Variants in ZNF556 observed in about 807,000 individuals in gnomAD.
ZNF556 encodes zinc finger protein 556.
ZNF556 carries 11 observed loss-of-function variants against 13.6 expected under a neutral mutation model. The ratio of observed to expected loss-of-function variants is 0.81; its 90% CI spans 0.51 to 1.33. The LOEUF (loss-of-function observed/expected upper bound fraction) is 1.33, where lower values mean the gene tolerates loss of function less well. Among genes scored for constraint, ZNF556 ranks in the 40% most tolerant of loss-of-function variants. The pLI is 0.00. For synonymous variants in ZNF556, 229 were observed against 207.8 expected (o/e 1.10, Z -0.88); for missense variants, 633 against 566.2 (o/e 1.12, Z -1.20).
intron 3 of ZNF556, among the ~76,000 whole-genome samples, chr19:2,876,670 G>T (rs539893317): frequency 5.3e-5 from 8 of 151,648 alleles, no homozygotes; most frequent in East Asian, 3.9e-4. Flanking sequence ...AGCCAAGATC[G>T]TGCCACTGCA....
chr19:2,869,701 G>T (rs2087786668), intron 1 of ZNF556, among the ~76,000 whole-genome samples: 1 of 152,140 alleles, frequency 6.6e-6, no homozygotes, highest in Non-Finnish European at 1.5e-5. Context: ...GCACAGGACT[G>T]CACTGTGACA....
In ZNF556 at chr19:2,877,700, G is replaced by A. The variant is rs200662571; in HGVS notation, c.742G>A (p.Ala248Thr). Residue 248 changes from alanine (A) to threonine (T), a missense_variant, in exon 4 of 4, where the codon GCA becomes ACA. Ala to Thr is a moderately conservative substitution (Grantham distance 58). Coordinates refer to ENST00000307635, the MANE Select transcript of ZNF556 (RefSeq NM_024967.3). Reference protein sequence around the residue: ...KGFSCPKSFRAHVMMHAGGRP... With the variant: ...KGFSCPKSFRTHVMMHAGGRP... ...CTTCAGTTGTCCCAAATCCTTTCGC[G>A]CACATGTGATGATGCACGCCGGAGG... The A allele has an allele frequency of 1.5e-5, 25 of 1,614,002 alleles. No individual in the cohort carries two copies. Among genetic ancestry groups the A allele is most frequent in the Admixed American group, 1.0e-4 (6 of 59,988 alleles).
In ZNF556 at chr19:2,882,531, A is replaced by ATATATATATATAGTGTGTGTGT. The variant is rs57053138; in HGVS notation, c.*4202_*4203insTATATATATATAGTGTGTGTGT. On this transcript the variant is annotated 3_prime_UTR_variant, in exon 4 of 4. Transcript: ENST00000307635. ...ATACATTTTATATATATATATATAT[A>ATATATATATATAGTGTGTGTGT]GTGTGTGTGTGTGTGTGTGTGTGTG... 4.7e-5 allele frequency: 6 copies of ATATATATATATAGTGTGTGTGT among 127,722 alleles called. No individual in the cohort carries two copies. The highest frequency in any genetic ancestry group is 1.6e-4 in the Admixed American group (2 of 12,132). 7.9% of individuals were successfully genotyped at this position (127,722 alleles called of 1,614,324 possible). A position where few individuals can be genotyped will look rare whatever the true frequency, so the allele number is the denominator to read the frequency against.
At chr19:2,868,289 C>T (rs533148407) in intron 1 of ZNF556, among the ~76,000 whole-genome samples, 1 of 152,228 alleles carries the variant, frequency 6.6e-6, no homozygotes, top group South Asian at 2.1e-4. Flanking sequence ...GAAATGAATA[C>T]ATTCCTACAA....
chr19:2,868,967 C>T (rs1035287499), intron 1 of ZNF556, among the ~76,000 whole-genome samples: 5 of 152,216 alleles, frequency 3.3e-5, no homozygotes, highest in African/African-American at 1.2e-4. Context: ...GATCCACCCA[C>T]CTCAGCCTCC....
rs758890030 is a variant in ZNF556 at position 2,867,379 on chromosome 19, G to T, written c.-43G>T. ...CGTCGTGCTCACCTGCACCGGCTGC[G>T]AGGAGCAGGGAGCTCCTCAAAGAGC... On this transcript the variant is annotated 5_prime_UTR_variant, in exon 1 of 4. Coordinates refer to ENST00000307635, the MANE Select transcript of ZNF556 (RefSeq NM_024967.3). The T allele has an allele frequency of 1.3e-6, 2 of 1,571,924 alleles. No individual in the cohort carries two copies. Among genetic ancestry groups the T allele is most frequent in the Admixed American group, 1.9e-5 (1 of 51,846 alleles).
At chr19:2,875,021 G>T (rs1265210904) in intron 2 of ZNF556, 1 of 156,694 alleles carries the variant, frequency 6.4e-6, no homozygotes. Flanking sequence ...TCAGAATTTG[G>T]CATGAATCAT....
intron 2 of ZNF556, among the ~76,000 whole-genome samples, chr19:2,874,766 G>A (rs1208691083): frequency 8.3e-5 from 12 of 143,750 alleles, no homozygotes; most frequent in African/African-American, 2.4e-4. Flanking sequence ...AAAAAAGAAA[G>A]AAAGAAAGAA....
At position 2,877,802 on chromosome 19, in the gene ZNF556, G is replaced by A. The variant is rs768949953; in HGVS notation, c.844G>A (p.Ala282Thr). The A allele has an allele frequency of 2.2e-5, 36 of 1,613,830 alleles. No homozygotes were observed. The highest frequency in any genetic ancestry group is 2.2e-4 in the South Asian group (20 of 91,074). The change falls in exon 4 of 4, where the codon GCC (alanine) becomes ACC (threonine). Residue 282 changes from alanine (A) to threonine (T), a missense_variant. Physicochemically the swap from Ala to Thr is moderately conservative, Grantham distance 58 (BLOSUM62 0). Coordinates refer to ENST00000307635, the MANE Select transcript of ZNF556 (RefSeq NM_024967.3). ...CTTTCGAGTCCATATGATCATGCAC[G>A]CCGGAGGGAGACCGTATGAGTGCAA... ...KSFRVHMIMHAGGRPYECKQC... is the reference protein window; with the variant it reads ...KSFRVHMIMHTGGRPYECKQC...
rs1357707542 is a variant in ZNF556, at chr19:2,873,158, TAAGAGTG to T, written c.4-337_4-331del. On this transcript the variant is annotated intron_variant, in intron 1 of 3. Transcript: ENST00000307635. Reference sequence around the variant, plus strand: ...CAAAAAAAAAAAAAATGAAATGTACTAAGAGTGTAAATCTTACTTGTTCTTACCATCA... The same window carrying T: ...CAAAAAAAAAAAAAATGAAATGTACTTAAATCTTACTTGTTCTTACCATCA... Among the ~76,000 whole-genome samples the T allele has an allele frequency of 7.9e-5, 12 of 151,730 alleles. No homozygotes were observed. In the East Asian group the frequency reaches 2.3e-3, roughly 29 times the overall value.
intron 1 of ZNF556, among the ~76,000 whole-genome samples, chr19:2,872,660 G>A (rs547778697): frequency 6.6e-6 from 1 of 152,030 alleles, no homozygotes; most frequent in East Asian, 1.9e-4. Context: ...CGGCACCTGG[G>A]TGGCTTGCTG....
At chr19:2,872,293 T>A (rs1626988) in intron 1 of ZNF556, among the ~76,000 whole-genome samples, 97,810 of 148,170 alleles carry the variant, frequency 0.66, 33,887 homozygotes, top group African/African-American at 0.88. Context: ...CCTTGACACT[T>A]ACGCTACCGC....
At chr19:2,869,550 T>C (rs946697444) in intron 1 of ZNF556, among the ~76,000 whole-genome samples, 5 of 152,054 alleles carry the variant, frequency 3.3e-5, no homozygotes, top group Admixed American at 6.6e-5. Context: ...TGTACTTTAG[T>C]GGAGACGGGG....
chr19:2,867,351 C>T lies in ZNF556; in HGVS notation c.-71C>T, dbSNP rs1263833089. ...GCCTGCCCTGAGTGACCACAGGTGT[C>T]CCCGTCGTGCTCACCTGCACCGGCT... On this transcript the variant is annotated 5_prime_UTR_variant, in exon 1 of 4. Coordinates refer to ENST00000307635, the MANE Select transcript of ZNF556 (RefSeq NM_024967.3). 5.2e-6 allele frequency: 8 copies of T among 1,551,118 alleles called. No individual in the cohort carries two copies. The highest frequency in any genetic ancestry group is 3.9e-5 in the Admixed American group (2 of 50,822).
chr19:2,870,918 A>G (rs901256434), intron 1 of ZNF556, among the ~76,000 whole-genome samples: 1 of 151,552 alleles, frequency 6.6e-6, no homozygotes, highest in Non-Finnish European at 1.5e-5. Context: ...GTGTGCCTGT[A>G]ATCCCAGCTA....
At chr19:2,868,939 G>A (rs1196723602) in intron 1 of ZNF556, among the ~76,000 whole-genome samples, 2 of 150,562 alleles carry the variant, frequency 1.3e-5, no homozygotes, top group South Asian at 2.1e-4. Flanking sequence ...GGCTGGTCTC[G>A]AACTCCTGAC....
chr19:2,872,111 G>A (rs1184580959), intron 1 of ZNF556, among the ~76,000 whole-genome samples: 4 of 152,266 alleles, frequency 2.6e-5, no homozygotes, highest in South Asian at 2.1e-4. Context: ...GACTAGGAGC[G>A]TGACCACTGA....
chr19:2,874,200 T>C (rs1049515571), intron 2 of ZNF556, among the ~76,000 whole-genome samples: 2 of 151,972 alleles, frequency 1.3e-5, no homozygotes, highest in African/African-American at 2.4e-5. Flanking sequence ...GAGGTTGCAG[T>C]GAGCCAAGAT....
At chr19:2,868,788 T>C (rs1389348892) in intron 1 of ZNF556, among the ~76,000 whole-genome samples, 1 of 149,072 alleles carries the variant, frequency 6.7e-6, no homozygotes, top group East Asian at 2.0e-4. Context: ...GCGCGATCTC[T>C]GCTTACTGCA....
Sources: allele counts gnomAD v4.1 joint callset (sites outside exome capture counted in the v4.1 genomes callset), GRCh38; gene constraint gnomAD v4.1.1; transcripts MANE v1.5; gene names NCBI Gene and HGNC (gene_info 2026-07-23, HGNC 2026-07-21).